Variants in SHISA9 observed in about 807,000 individuals in gnomAD.
SHISA9 encodes protein shisa-9.
In SHISA9, 13 loss-of-function variants were observed where a neutral mutation model predicts 38.0. The observed-to-expected ratio is 0.34, with a 90% confidence interval of 0.22 to 0.54. SHISA9 has a LOEUF of 0.54. SHISA9 is among the 20% of genes least tolerant of loss of function. SHISA9 has a pLI of 0.91. For synonymous variants in SHISA9, 275 were observed against 242.0 expected (o/e 1.14, Z -1.27); for missense variants, 538 against 575.8 (o/e 0.93, Z 0.67).
chr16:13,439,485 A>G, the SHISA9 span, among the ~76,000 whole-genome samples: 5 of 152,236 alleles, frequency 3.3e-5, no homozygotes, highest in Non-Finnish European at 7.3e-5. Context: ...CCTTAAATAT[A>G]TACAATTTTT....
At chr16:13,143,967 G>A (rs1235304748) in intron 2 of SHISA9, among the ~76,000 whole-genome samples, 5 of 152,102 alleles carry the variant, frequency 3.3e-5, no homozygotes, top group South Asian at 2.1e-4. Flanking sequence ...GTCACCAAGA[G>A]CATTTGATCT....
intron 2 of SHISA9, among the ~76,000 whole-genome samples, chr16:12,966,708 A>C (rs1256220316): frequency 1.3e-5 from 2 of 152,240 alleles, no homozygotes; most frequent in African/African-American, 4.8e-5. Flanking sequence ...TGTCTCATTC[A>C]TTTCCAGCAC....
chr16:13,252,610 C>T, the SHISA9 span, among the ~76,000 whole-genome samples: 1 of 152,176 alleles, frequency 6.6e-6, no homozygotes, highest in Admixed American at 6.5e-5. Context: ...GATACTGAAG[C>T]TTGCGCTGCT....
chr16:13,500,232 C>T, the SHISA9 span, among the ~76,000 whole-genome samples: 11 of 152,294 alleles, frequency 7.2e-5, no homozygotes, highest in Admixed American at 5.9e-4. Flanking sequence ...CTCTCTCTTG[C>T]CGCCATGTGA....
the SHISA9 span, among the ~76,000 whole-genome samples, chr16:13,459,961 G>A: frequency 2.0e-5 from 3 of 152,136 alleles, no homozygotes; most frequent in East Asian, 5.8e-4. Context: ...AGGCTAGAGT[G>A]CAGTGGCATG....
chr16:13,073,540 G>A (rs2073543759), intron 2 of SHISA9, among the ~76,000 whole-genome samples: 1 of 152,166 alleles, frequency 6.6e-6, no homozygotes, highest in African/African-American at 2.4e-5. Flanking sequence ...CTCAGACCTA[G>A]TGAGTCAGAA....
the SHISA9 span, among the ~76,000 whole-genome samples, chr16:13,489,774 C>T: frequency 2.0e-5 from 3 of 152,120 alleles, no homozygotes; most frequent in East Asian, 1.9e-4. Context: ...TACAATCCCC[C>T]GTGAATGCTA....
chr16:13,525,905 G>A, the SHISA9 span, among the ~76,000 whole-genome samples: 14 of 152,370 alleles, frequency 9.2e-5, no homozygotes, highest in East Asian at 2.5e-3. Flanking sequence ...GGGCAGGGCA[G>A]ATGTTGTAAT....
intron 2 of SHISA9, among the ~76,000 whole-genome samples, chr16:13,190,225 C>G (rs919970681): frequency 9.0e-6 from 1 of 110,992 alleles, no homozygotes; most frequent in African/African-American, 2.9e-5. Flanking sequence ...TGCTATCCCT[C>G]CCCCCTCCCC....
rs750438150 is a variant in SHISA9 at position 13,207,249 on chromosome 16, C to T, written c.847+3700C>T. ...ACTGCACTCCAGTATGACACCCAGTCGCTCCCTGGGAAAATAGCAGAGGGA... is the reference window on the plus strand; with the variant it reads ...ACTGCACTCCAGTATGACACCCAGTTGCTCCCTGGGAAAATAGCAGAGGGA... On this transcript the variant is annotated intron_variant, in intron 3 of 4. Transcript: ENST00000558583. Among the ~76,000 whole-genome samples the T allele has an allele frequency of 5.9e-5, 9 of 152,224 alleles. No individual in the cohort carries two copies. In the East Asian group the frequency reaches 1.2e-3, roughly 20 times the overall value.
the SHISA9 span, among the ~76,000 whole-genome samples, chr16:13,416,275 T>C: frequency 6.6e-6 from 1 of 152,218 alleles, no homozygotes; most frequent in Non-Finnish European, 1.5e-5. Context: ...GTTTATGCAG[T>C]AATTAATTTA....
At chr16:12,965,065 G>T (rs1349523736) in intron 2 of SHISA9, among the ~76,000 whole-genome samples, 1 of 151,876 alleles carries the variant, frequency 6.6e-6, no homozygotes, top group Non-Finnish European at 1.5e-5. Flanking sequence ...ATATATATAT[G>T]TATATACCTT....
At chr16:13,148,098 G>A (rs1561409) in intron 2 of SHISA9, among the ~76,000 whole-genome samples, 24,697 of 152,010 alleles carry the variant, frequency 0.16, 2,184 homozygotes, top group South Asian at 0.35. Context: ...TGGTGTCACT[G>A]TTCACGGCAT....
At chr16:13,132,910 C>A (rs1369742355) in intron 2 of SHISA9, among the ~76,000 whole-genome samples, 1 of 152,072 alleles carries the variant, frequency 6.6e-6, no homozygotes, top group Non-Finnish European at 1.5e-5. Flanking sequence ...TGGGGTGGGG[C>A]CAGTGGAGGG....
intron 1 of SHISA9, among the ~76,000 whole-genome samples, chr16:12,913,623 A>C: frequency 6.6e-6 from 1 of 152,070 alleles, no homozygotes; most frequent in South Asian, 2.1e-4. Flanking sequence ...TAAGGTTTTA[A>C]TCACCCTTAC....
At chr16:13,556,660 C>T in the SHISA9 span, among the ~76,000 whole-genome samples, 2 of 151,912 alleles carry the variant, frequency 1.3e-5, no homozygotes, top group South Asian at 4.2e-4. Flanking sequence ...GAGACTCTGT[C>T]TCAAAAAAAT....
chr16:12,966,251 G>A (rs886968513), intron 2 of SHISA9, among the ~76,000 whole-genome samples: 3 of 152,160 alleles, frequency 2.0e-5, no homozygotes, highest in Non-Finnish European at 4.4e-5. Context: ...TCACCTAGGG[G>A]ACATCTGCTT....
the SHISA9 span, among the ~76,000 whole-genome samples, chr16:13,264,540 A>G: frequency 0.018 from 2,803 of 152,240 alleles, 89 homozygotes; most frequent in African/African-American, 0.065. Context: ...CTCAGGATGA[A>G]GCATCCGGTG....
chr16:13,488,852 C>A, the SHISA9 span, among the ~76,000 whole-genome samples: 7 of 152,236 alleles, frequency 4.6e-5, no homozygotes, highest in Non-Finnish European at 1.5e-5. Flanking sequence ...AGCTCCGCCT[C>A]CCGGGCTCAC....
Sources: gnomAD v4.1 joint callset for allele counts (sites outside exome capture counted in the v4.1 genomes callset) on GRCh38, gnomAD v4.1.1 for gene constraint, MANE v1.5 for transcripts, NCBI Gene and HGNC (gene_info 2026-07-23, HGNC 2026-07-21) for gene names.